Variants in RASEF observed in about 807,000 individuals in gnomAD.
RASEF encodes ras and EF-hand domain-containing protein.
RASEF carries 68 observed loss-of-function variants against 90.1 expected under a neutral mutation model. That is an observed-to-expected ratio of 0.75 (90% CI 0.62 to 0.92). The LOEUF (loss-of-function observed/expected upper bound fraction) is 0.92, where lower values mean the gene tolerates loss of function less well. Among genes scored for constraint, RASEF ranks in the 40% least tolerant of loss-of-function variants. The probability of loss-of-function intolerance (pLI) is 0.00; values close to 1 mark genes in which losing one functional copy is unlikely to be tolerated. For synonymous variants in RASEF, 331 were observed against 345.2 expected (o/e 0.96, Z 0.46); for missense variants, 949 against 937.2 (o/e 1.01, Z -0.16).
rs960967353 is a variant in RASEF at position 82,997,102 on chromosome 9, G to A, written c.1830C>T (p.Tyr610=). 1 of 1,612,132 alleles carries A rather than the reference G, an allele frequency of 6.2e-7. No homozygotes were observed. ...QERFRSIAKS[Y]FRKADGVLLL... ...GCAAAACACCATCTGCCTTTCTGAA[G>A]TAAGACTTGGCAATACTTCTGAATC... The change falls in exon 14 of 17, where the codon TAC becomes TAT. Residue 610 remains tyrosine (Y), a synonymous_variant. Coordinates refer to ENST00000376447, the MANE Select transcript of RASEF (RefSeq NM_152573.4).
chr9:83,120,927 C>T, the RASEF span, among the ~76,000 whole-genome samples: 307 of 152,250 alleles, frequency 2.0e-3, 2 homozygotes, highest in Non-Finnish European at 3.5e-3. Flanking sequence ...TCCATTTATG[C>T]ACCTCTATAG....
At position 83,000,944 on chromosome 9, in the gene RASEF, C is replaced by T; in HGVS notation, c.1389G>A (p.Arg463=). ...CAAAGCTCTCCTGCACCCCGTGTGA[C>T]CTCTGAAATCCCCTCTGGTGCTTGT... ...VEYKHQRGFQ[R]SHGVQESFGG... The change falls in exon 10 of 17, where the codon AGG becomes AGA. Residue 463 remains arginine, a synonymous_variant. Transcript: ENST00000376447. 6.2e-7 allele frequency: 1 copy of T among 1,614,178 alleles called. No homozygotes were observed.
chr9:83,112,447 G>C, the RASEF span, among the ~76,000 whole-genome samples: 1 of 152,220 alleles, frequency 6.6e-6, no homozygotes, highest in South Asian at 2.1e-4. Flanking sequence ...CACTTTGGGA[G>C]GCCGAGGCGG....
chr9:83,133,132 GA>G, the RASEF span, among the ~76,000 whole-genome samples: 2 of 151,410 alleles, frequency 1.3e-5, no homozygotes, highest in Non-Finnish European at 2.9e-5. Context: ...AAAAAAGAAA[GA>G]GAGAGAGATT....
At chr9:83,178,974 C>T in the RASEF span, among the ~76,000 whole-genome samples, 1 of 152,264 alleles carries the variant, frequency 6.6e-6, no homozygotes, top group South Asian at 2.1e-4. Flanking sequence ...TTATTTTACC[C>T]CTCTCCAAAA....
chr9:83,046,327 T>C (rs1829929148), intron 1 of RASEF, among the ~76,000 whole-genome samples: 1 of 152,196 alleles, frequency 6.6e-6, no homozygotes, highest in Non-Finnish European at 1.5e-5. Flanking sequence ...TATTACTGCT[T>C]ATTTGAGTAT....
At chr9:83,169,294 A>C in the RASEF span, among the ~76,000 whole-genome samples, 1 of 151,860 alleles carries the variant, frequency 6.6e-6, no homozygotes, top group Non-Finnish European at 1.5e-5. Flanking sequence ...ACTATTGTGA[A>C]TAGCACTGCA....
At chr9:83,029,394 T>C (rs1304590045) in intron 1 of RASEF, among the ~76,000 whole-genome samples, 1 of 129,756 alleles carries the variant, frequency 7.7e-6, no homozygotes, top group Non-Finnish European at 1.6e-5. Flanking sequence ...ACTTGCCTTC[T>C]TTTTTTTTTT....
At chr9:83,096,423 A>G in the RASEF span, among the ~76,000 whole-genome samples, 1 of 152,180 alleles carries the variant, frequency 6.6e-6, no homozygotes, top group African/African-American at 2.4e-5. Flanking sequence ...AACTGAACAG[A>G]CCCACCTTTG....
At chr9:83,040,972 C>T (rs1219197443) in intron 1 of RASEF, among the ~76,000 whole-genome samples, 1 of 152,122 alleles carries the variant, frequency 6.6e-6, no homozygotes, top group Non-Finnish European at 1.5e-5. Context: ...ACGATTCTCC[C>T]GCCTCAGCCT....
chr9:82,988,862 A>G (rs1828761506), intron 16 of RASEF, among the ~76,000 whole-genome samples: 1 of 152,210 alleles, frequency 6.6e-6, no homozygotes, highest in Admixed American at 6.5e-5. Context: ...TCCTTTATAG[A>G]GATGCACAAA....
chr9:82,996,972 T>G, intron 14 of RASEF, 40 bp downstream of exon 14: 1 of 1,202,800 alleles, frequency 8.3e-7, no homozygotes, highest in Non-Finnish European at 1.2e-6. Flanking sequence ...GCCTAAAACT[T>G]CCTCGTGTAA....
chr9:83,194,451 G>A, the RASEF span, among the ~76,000 whole-genome samples: 2 of 152,192 alleles, frequency 1.3e-5, no homozygotes, highest in African/African-American at 2.4e-5. Context: ...AGGGGTAGAA[G>A]CTTTCAACAT....
chr9:83,022,729 C>T (rs1409874595), intron 2 of RASEF, among the ~76,000 whole-genome samples: 1 of 152,132 alleles, frequency 6.6e-6, no homozygotes, highest in African/African-American at 2.4e-5. Context: ...TTTACACCAA[C>T]CCAGCTGGTA....
At chr9:83,177,016 A>C in the RASEF span, among the ~76,000 whole-genome samples, 1 of 152,094 alleles carries the variant, frequency 6.6e-6, no homozygotes, top group Non-Finnish European at 1.5e-5. Context: ...TTCTTACTCC[A>C]ATATGGCTTT....
At chr9:83,138,258 G>A in the RASEF span, among the ~76,000 whole-genome samples, 1 of 152,004 alleles carries the variant, frequency 6.6e-6, no homozygotes, top group Non-Finnish European at 1.5e-5. Context: ...TTTTACATGA[G>A]GTCCCAAGTT....
the RASEF span, among the ~76,000 whole-genome samples, chr9:83,092,315 G>A: frequency 3.0e-4 from 46 of 152,164 alleles, 1 homozygote; most frequent in East Asian, 6.6e-3. Context: ...CTGACTTCAA[G>A]AATGAAGCCA....
chr9:83,148,038 C>T, the RASEF span, among the ~76,000 whole-genome samples: 1 of 151,778 alleles, frequency 6.6e-6, no homozygotes, highest in Non-Finnish European at 1.5e-5. Flanking sequence ...CTATGGCAGG[C>T]CAAAAGCTAA....
At chr9:83,144,457 G>GAGAAGAGAAAAGAAA in the RASEF span, among the ~76,000 whole-genome samples, 2,754 of 145,156 alleles carry the variant, frequency 0.019, 137 homozygotes, top group African/African-American at 0.065. Context: ...GAAAAGAAAA[G>GAGAAGAGAAAAGAAA]AGAAGAGAAA....
Sources: allele counts gnomAD v4.1 joint callset (sites outside exome capture counted in the v4.1 genomes callset), GRCh38; gene constraint gnomAD v4.1.1; transcripts MANE v1.5; gene names NCBI Gene and HGNC (gene_info 2026-07-23, HGNC 2026-07-21).